The following OXSR1 variants were observed in gnomAD, a reference collection of about 807,000 sequenced individuals.
OXSR1 encodes the protein serine/threonine-protein kinase OSR1.
A neutral mutation model predicts 79.8 loss-of-function variants in OXSR1; 24 were observed. The ratio of observed to expected loss-of-function variants is 0.30; its 90% CI spans 0.22 to 0.42. The LOEUF (loss-of-function observed/expected upper bound fraction) is 0.42. Among genes scored for constraint, OXSR1 ranks in the 10% least tolerant of loss-of-function variants. The pLI, the probability that OXSR1 is intolerant of heterozygous loss-of-function variation, is 1.00. For synonymous variants in OXSR1, 226 were observed against 209.2 expected (o/e 1.08, Z -0.69); for missense variants, 430 against 618.4 (o/e 0.70, Z 3.23).
At chr3:38,237,691 T>C (rs898306512) in intron 11 of OXSR1, among the ~76,000 whole-genome samples, 1 of 152,164 alleles carries the variant, frequency 6.6e-6, no homozygotes, top group African/African-American at 2.4e-5. Context: ...GGTATTTGAG[T>C]CTAGTCCTTC....
chr3:38,188,927 T>G (rs1701934370), intron 2 of OXSR1, among the ~76,000 whole-genome samples: 1 of 152,200 alleles, frequency 6.6e-6, no homozygotes, highest in African/African-American at 2.4e-5. Context: ...ACTGTAAGTT[T>G]CATGAGGACT....
rs937466053 is a variant in OXSR1, at chr3:38,252,971, C to T, written c.*80C>T. 2 of 1,155,638 alleles carry T rather than the reference C, an allele frequency of 1.7e-6. No individual in the cohort carries two copies. Among genetic ancestry groups the T allele is most frequent in the East Asian group, 2.4e-5 (1 of 42,254 alleles). 71.6% of individuals were successfully genotyped at this position (1,155,638 alleles called of 1,614,324 possible). On this transcript the variant is annotated 3_prime_UTR_variant, in exon 18 of 18. Transcript: ENST00000311806. Reference sequence around the variant, plus strand: ...TGCTTCTATTGGCCTAAACCCACTACTGCCAAAGAACCCAGCAACAAACCT... The same window carrying T: ...TGCTTCTATTGGCCTAAACCCACTATTGCCAAAGAACCCAGCAACAAACCT...
At chr3:38,201,526 C>T (rs577170712) in intron 4 of OXSR1, among the ~76,000 whole-genome samples, 114 of 152,022 alleles carry the variant, frequency 7.5e-4, no homozygotes, top group Non-Finnish European at 1.3e-3. Context: ...CTGGCTAACA[C>T]GGTGAAACCC....
chr3:38,239,990 G>A (rs1001874195), intron 11 of OXSR1, among the ~76,000 whole-genome samples: 1 of 152,044 alleles, frequency 6.6e-6, no homozygotes, highest in African/African-American at 2.4e-5. Flanking sequence ...CATATATTTT[G>A]TCTTTTTTTG....
Position 38,236,971 on chromosome 3 carries a change from A to G in OXSR1, c.1074+10A>G. 6.2e-7 allele frequency: 1 copy of G among 1,609,302 alleles called. No homozygotes were observed. The highest frequency in any genetic ancestry group is 8.5e-7 in the Non-Finnish European group (1 of 1,177,170). On this transcript the variant is annotated intron_variant, in intron 11 of 17. Coordinates refer to ENST00000311806, the MANE Select transcript of OXSR1 (RefSeq NM_005109.3). ...AATTTCACAACTCAGGGTAAATTTTATTAAACTGTGTACTTTAGCTAGAAC... is the reference window on the plus strand; with the variant it reads ...AATTTCACAACTCAGGGTAAATTTTGTTAAACTGTGTACTTTAGCTAGAAC...
At chr3:38,171,637 A>G (rs2125800384) in intron 1 of OXSR1, among the ~76,000 whole-genome samples, 1 of 152,084 alleles carries the variant, frequency 6.6e-6, no homozygotes, top group East Asian at 1.9e-4. Flanking sequence ...GGAACATATT[A>G]AAAGCCTATA....
chr3:38,210,303 G>T (rs1286193008), intron 4 of OXSR1, among the ~76,000 whole-genome samples: 1 of 152,118 alleles, frequency 6.6e-6, no homozygotes, highest in Admixed American at 6.5e-5. Flanking sequence ...AGGCTTGATG[G>T]GACTGAGACT....
chr3:38,247,748 T>C lies in OXSR1; in HGVS notation c.1322+16T>C. On this transcript the variant is annotated intron_variant, in intron 14 of 17. Transcript: ENST00000311806. ...TAAGATTAAGGTAAGTAGACATTTT[T>C]TGTTTTGTTTTCTTTTGTTTTCTGA... 6.4e-7 allele frequency: 1 copy of C among 1,559,280 alleles called. No homozygotes were observed. Among genetic ancestry groups the C allele is most frequent in the Non-Finnish European group, 8.8e-7 (1 of 1,131,954 alleles).
intron 8 of OXSR1, among the ~76,000 whole-genome samples, chr3:38,226,905 T>C (rs138142040): frequency 6.6e-6 from 1 of 152,160 alleles, no homozygotes; most frequent in African/African-American, 2.4e-5. Context: ...GTTTAGTTAA[T>C]AGTATTGTAC....
Position 38,252,369 on chromosome 3 carries a change from A to G in OXSR1, c.1486A>G (p.Asn496Asp). 6.2e-7 allele frequency: 1 copy of G among 1,612,064 alleles called. No homozygotes were observed. The highest frequency in any genetic ancestry group is 1.3e-5 in the African/African-American group (1 of 74,962). ...GAAAATTGTGGAAGAACCTCAGTCA[A>G]ATCGATCTGTCACTTTCAAACTGGT... ...LQKIVEEPQS[N>D]RSVTFKLASG... Residue 496 changes from asparagine (N) to aspartate (D), a missense_variant, in exon 17 of 18, where the codon AAT becomes GAT. Asn to Asp is a conservative substitution (Grantham distance 23, BLOSUM62 1). Around this residue, in one of 3 missense-constraint regions of OXSR1, gnomAD observed 276 missense variants for 354.2 expected, o/e 0.78. Coordinates refer to ENST00000311806, the MANE Select transcript of OXSR1 (RefSeq NM_005109.3).
intron 10 of OXSR1, among the ~76,000 whole-genome samples, chr3:38,235,758 A>G (rs1217359409): frequency 6.6e-6 from 1 of 152,228 alleles, no homozygotes; most frequent in Non-Finnish European, 1.5e-5. Flanking sequence ...AAAGAAAATA[A>G]TTACTGATGC....
intron 4 of OXSR1, among the ~76,000 whole-genome samples, chr3:38,203,338 C>T (rs1702203241): frequency 6.6e-6 from 1 of 152,124 alleles, no homozygotes; most frequent in Non-Finnish European, 1.5e-5. Context: ...TCAGCGCGCC[C>T]AGCCGTTCCG....
chr3:38,254,461 G>C lies in OXSR1; in HGVS notation c.*1570G>C, dbSNP rs1444513466. 1 of 386,094 alleles carries C rather than the reference G, an allele frequency of 2.6e-6. No individual in the cohort carries two copies. The highest frequency in any genetic ancestry group is 2.1e-5 in the African/African-American group (1 of 48,310). The allele number at this position is 386,094 out of a possible 1,614,324, so 23.9% of individuals were successfully genotyped here. On this transcript the variant is annotated 3_prime_UTR_variant, in exon 18 of 18. Transcript: ENST00000311806. ...GGAGATGGATTTCAGTTGGGAGTTAGGAGGAGAGTAGGTGAGATGATCAGA... is the reference window on the plus strand; with the variant it reads ...GGAGATGGATTTCAGTTGGGAGTTACGAGGAGAGTAGGTGAGATGATCAGA...
In OXSR1 at chr3:38,165,812, C is replaced by G; in HGVS notation, c.-65C>G. 7.1e-7 allele frequency: 1 copy of G among 1,401,082 alleles called. No individual in the cohort carries two copies. The highest frequency in any genetic ancestry group is 9.9e-7 in the Non-Finnish European group (1 of 1,009,180). The allele number at this position is 1,401,082 out of a possible 1,614,324, so 86.8% of individuals were successfully genotyped here. ...GCGGCGGCTGTTGGGGGTGGGGAGA[C>G]GCGCGGCGAGGAGACGAGCGAGGTC... is the stretch of plus-strand genomic sequence containing the variant. On this transcript the variant is annotated 5_prime_UTR_variant, in exon 1 of 18. Coordinates refer to ENST00000311806, the MANE Select transcript of OXSR1 (RefSeq NM_005109.3).
At chr3:38,227,545 CCACACACACACACACACA>C (rs58097834) in intron 8 of OXSR1, among the ~76,000 whole-genome samples, 58 of 138,426 alleles carry the variant, frequency 4.2e-4, no homozygotes, top group South Asian at 3.4e-3. Flanking sequence ...GTATGCACAT[CCACACACACACACACACA>C]CACACACACA....
At chr3:38,187,819 TA>T (rs1218640215) in intron 2 of OXSR1, among the ~76,000 whole-genome samples, 2 of 152,064 alleles carry the variant, frequency 1.3e-5, no homozygotes, top group Non-Finnish European at 2.9e-5. Context: ...CTCCTGGGCT[TA>T]AGGGATCCTC....
intron 1 of OXSR1, among the ~76,000 whole-genome samples, chr3:38,170,746 G>C (rs1464004091): frequency 1.3e-5 from 2 of 152,104 alleles, no homozygotes; most frequent in Admixed American, 6.5e-5. Flanking sequence ...ATATAAACTG[G>C]AAGATGGGGG....
intron 1 of OXSR1, among the ~76,000 whole-genome samples, chr3:38,172,263 T>C (rs1172395115): frequency 6.6e-6 from 1 of 152,182 alleles, no homozygotes; most frequent in Non-Finnish European, 1.5e-5. Context: ...TCTTTTTTTT[T>C]CTTAGTCCAG....
intron 4 of OXSR1, among the ~76,000 whole-genome samples, chr3:38,208,473 AAAG>A (rs1348209303): frequency 6.6e-6 from 1 of 152,198 alleles, no homozygotes; most frequent in Non-Finnish European, 1.5e-5. Context: ...ATCCTCATAA[AAAG>A]AAGTTTCTTT....
Sources: allele counts gnomAD v4.1 joint callset (sites outside exome capture counted in the v4.1 genomes callset), GRCh38; gene constraint gnomAD v4.1.1; regional missense constraint gnomAD v4.1.1; transcripts MANE v1.5; gene names NCBI Gene and HGNC (gene_info 2026-07-23, HGNC 2026-07-21).